The following LPO variants were observed in gnomAD, a reference collection of about 807,000 sequenced individuals.
LPO encodes the protein lactoperoxidase.
A neutral mutation model predicts 68.4 loss-of-function variants in LPO; 70 were observed. The ratio of observed to expected loss-of-function variants is 1.02; its 90% CI spans 0.84 to 1.25. LPO has a LOEUF of 1.25. Among genes scored for constraint, LPO ranks in the 50% most tolerant of loss-of-function variants. The pLI is 0.00. For synonymous variants in LPO, 360 were observed against 357.6 expected, an observed-to-expected ratio of 1.01 and a Z score of -0.08; for missense variants, 873 against 908.4, an observed-to-expected ratio of 0.96 and a Z score of 0.50.
At chr17:58,258,288 T>A (rs1970108761) in intron 9 of LPO, among the ~76,000 whole-genome samples, 1 of 152,234 alleles carries the variant, frequency 6.6e-6, no homozygotes, top group African/African-American at 2.4e-5. Context: ...CTTAGATTTG[T>A]CTTTAATCCA....
intron 5 of LPO, 183 bp from the exon 6 acceptor site, chr17:58,249,383 C>G (rs1341684808): frequency 1.3e-5 from 13 of 1,032,700 alleles, no homozygotes; most frequent in African/African-American, 1.6e-5. Context: ...CGGCACCTTT[C>G]CCCGGGGCGG....
In LPO at chr17:58,254,802, G is replaced by C; in HGVS notation, c.1106-9G>C. 1 of 1,613,726 alleles carries C rather than the reference G, an allele frequency of 6.2e-7. No homozygotes were observed. The highest frequency in any genetic ancestry group is 8.5e-7 in the Non-Finnish European group (1 of 1,179,818). ...GGAGAATCTACCTTCCTGCCTTCTG[G>C]GCTTTCAGGAGATTCTCGAGCCTCA... On this transcript the variant is annotated splice_polypyrimidine_tract_variant and intron_variant, in intron 8 of 12. Coordinates refer to ENST00000262290, the MANE Select transcript of LPO (RefSeq NM_006151.3).
At chr17:58,248,072 T>C (rs1969883936) in intron 4 of LPO, among the ~76,000 whole-genome samples, 1 of 152,186 alleles carries the variant, frequency 6.6e-6, no homozygotes, top group African/African-American at 2.4e-5. Flanking sequence ...AGCTAAGATT[T>C]CCATCGTGTT....
chr17:58,251,665 T>C lies in LPO; in HGVS notation c.781-517T>C. On this transcript the variant is annotated intron_variant, in intron 7 of 12. Transcript: ENST00000262290. ...AAGCCAATGATCTGAATCCTACATCTTTCCCTTCCAGTGTATAAGTTCTTA... is the reference window on the plus strand; with the variant it reads ...AAGCCAATGATCTGAATCCTACATCCTTCCCTTCCAGTGTATAAGTTCTTA... 1.1e-5 allele frequency: 4 copies of C among 353,964 alleles called. No individual in the cohort carries two copies. In the East Asian group the frequency reaches 2.9e-4, roughly 26 times the overall value. The allele number at this position is 353,964 out of a possible 1,614,324, so 21.9% of individuals were successfully genotyped here.
intron 1 of LPO, among the ~76,000 whole-genome samples, chr17:58,241,472 C>T (rs1162301507): frequency 1.3e-5 from 2 of 152,152 alleles, no homozygotes; most frequent in Non-Finnish European, 2.9e-5. Flanking sequence ...AAACCATCAT[C>T]TCTGTTTGTC....
chr17:58,251,939 C>G (rs1329006425), intron 7 of LPO: 2 of 726,416 alleles, frequency 2.8e-6, no homozygotes, highest in East Asian at 2.7e-5. Context: ...AAATTTGGAG[C>G]CCTCACTGTG....
chr17:58,254,156 G>GATATATAGATAT (rs535794728), intron 8 of LPO, among the ~76,000 whole-genome samples: 139 of 148,612 alleles, frequency 9.4e-4, no homozygotes, highest in South Asian at 3.6e-3. Flanking sequence ...TAGATATATA[G>GATATATAGATAT]ATAGATAGAT....
At chr17:58,265,180 A>G (rs954019028) in intron 10 of LPO, among the ~76,000 whole-genome samples, 12 of 152,324 alleles carry the variant, frequency 7.9e-5, no homozygotes, top group Middle Eastern at 3.4e-3. Flanking sequence ...ATTAAATGAG[A>G]TATACATGTG....
At chr17:58,266,451 A>G (rs116251667) in intron 11 of LPO, 125 bp downstream of exon 11, 3 of 955,928 alleles carry the variant, frequency 3.1e-6, no homozygotes, top group Non-Finnish European at 4.4e-6. Context: ...AAGTCAGGCC[A>G]GTTTTTTTTG....
chr17:58,264,681 CCTT>C, intron 9 of LPO, 38 bp from the exon 10 acceptor site: 1 of 1,608,970 alleles, frequency 6.2e-7, no homozygotes, highest in Non-Finnish European at 8.5e-7. Flanking sequence ...GAGGTTTAAA[CCTT>C]CTTACACCCT....
intron 9 of LPO, among the ~76,000 whole-genome samples, chr17:58,256,990 CTTT>C (rs1040765289): frequency 2.7e-5 from 2 of 75,060 alleles, no homozygotes. Flanking sequence ...AGGTCTTACT[CTTT>C]TTTTTTTTTT....
intron 9 of LPO, among the ~76,000 whole-genome samples, chr17:58,258,557 C>T (rs1202328246): frequency 6.6e-6 from 1 of 152,170 alleles, no homozygotes; most frequent in African/African-American, 2.4e-5. Flanking sequence ...TGTACTATAA[C>T]TTGAAGTCAG....
At chr17:58,259,029 GTT>G (rs61586555) in intron 9 of LPO, among the ~76,000 whole-genome samples, 9 of 149,954 alleles carry the variant, frequency 6.0e-5, no homozygotes, top group South Asian at 2.1e-4. Context: ...TTTGGTGGGG[GTT>G]TTTTTTTTCA....
intron 11 of LPO, 69 bp downstream of exon 11, chr17:58,266,395 C>T: frequency 2.7e-6 from 4 of 1,494,110 alleles, no homozygotes; most frequent in Non-Finnish European, 3.7e-6. Context: ...TGGAGACTCT[C>T]TTCTATAACC....
At chr17:58,240,445 C>T (rs1428368901) in intron 1 of LPO, among the ~76,000 whole-genome samples, 2 of 152,220 alleles carry the variant, frequency 1.3e-5, no homozygotes, top group Non-Finnish European at 2.9e-5. Context: ...TCTAAAGCCC[C>T]AGGCCCTCTT....
At chr17:58,245,304 G>A (rs8178301) in intron 3 of LPO, among the ~76,000 whole-genome samples, 4,200 of 152,072 alleles carry the variant, frequency 0.028, 201 homozygotes, top group African/African-American at 0.096. Context: ...TGAAGGAGGA[G>A]GGAAAAAGGG....
At chr17:58,265,573 C>CT (rs71365866) in intron 10 of LPO, among the ~76,000 whole-genome samples, 7,341 of 85,250 alleles carry the variant, frequency 0.086, 787 homozygotes, top group Non-Finnish European at 0.1. Flanking sequence ...TTAAAAATAC[C>CT]TTTTTTTTTT....
chr17:58,255,524 A>G (rs1464411949), intron 9 of LPO, among the ~76,000 whole-genome samples: 1 of 152,188 alleles, frequency 6.6e-6, no homozygotes, highest in African/African-American at 2.4e-5. Flanking sequence ...ATGAGACAAC[A>G]GGAGAGAAGC....
rs147457328 is a variant in LPO, at chr17:58,267,803, C to T, written c.1948C>T (p.Pro650Ser). The change falls in exon 13 of 13, where the codon CCT (proline) becomes TCT (serine). Residue 650 changes from proline to serine, a missense_variant. By Grantham distance (74) the Pro-to-Ser change is moderately conservative. Transcript: ENST00000262290. ...TCTCTGCAGGTTCTGGTGGGAAAACCCTGGGGTCTTCACGAACGAGCAGAA... is the reference window on the plus strand; with the variant it reads ...TCTCTGCAGGTTCTGGTGGGAAAACTCTGGGGTCTTCACGAACGAGCAGAA... The part of the protein sequence containing the change: ...RDGDRFWWEN[P>S]GVFTNEQKDS... The T allele has an allele frequency of 6.2e-7, 1 of 1,613,988 alleles. No homozygotes were observed. The highest frequency in any genetic ancestry group is 8.5e-7 in the Non-Finnish European group (1 of 1,180,030).
Sources: allele counts gnomAD v4.1 joint callset (sites outside exome capture counted in the v4.1 genomes callset), GRCh38; gene constraint gnomAD v4.1.1; transcripts MANE v1.5; gene names NCBI Gene and HGNC (gene_info 2026-07-23, HGNC 2026-07-21).